ACTN1: variants seen among roughly 807,000 people sequenced by gnomAD.
ACTN1 encodes actinin alpha 1.
ACTN1 carries 30 observed loss-of-function variants against 119.6 expected under a neutral mutation model. That is an observed-to-expected ratio of 0.25 (90% confidence interval 0.19 to 0.34). The LOEUF (loss-of-function observed/expected upper bound fraction) is 0.34. Among genes scored for constraint, ACTN1 ranks in the 10% least tolerant of loss-of-function variants. The pLI, the probability that ACTN1 is intolerant of heterozygous loss-of-function variation, is 1.00. For missense variants in ACTN1, 764 were observed against 1,223.4 expected (o/e 0.62, Z 5.60); for synonymous variants, 429 against 472.6 (o/e 0.91, Z 1.20).
In ACTN1 at chr14:68,889,659, C is replaced by A. The variant is rs1298836037; in HGVS notation, c.1234+480G>T. On this transcript the variant is annotated intron_variant, in intron 11 of 21. Transcript: ENST00000394419. ...ATCAGCTGGGAATGGTGGCAGGCACCTGTAGTCCCAGCTACTAGGGAGGCT... is the reference window on the plus strand; with the variant it reads ...ATCAGCTGGGAATGGTGGCAGGCACATGTAGTCCCAGCTACTAGGGAGGCT... Among the ~76,000 whole-genome samples the A allele has an allele frequency of 2.6e-5, 4 of 152,280 alleles. No homozygotes were observed. In the East Asian group the frequency reaches 7.8e-4, roughly 30 times the overall value.
At chr14:68,929,502 AC>A (rs562907822) in intron 1 of ACTN1, among the ~76,000 whole-genome samples, 58 of 152,030 alleles carry the variant, frequency 3.8e-4, no homozygotes, top group African/African-American at 1.3e-3. Flanking sequence ...GCCTCCCCTC[AC>A]CCCAAGAGCC....
At position 68,925,127 on chromosome 14, in the gene ACTN1, T is replaced by G. The variant is rs1249185898; in HGVS notation, c.220+431A>C. 6.6e-6 allele frequency among the ~76,000 whole-genome samples: 1 copy of G among 152,074 alleles called. No individual in the cohort carries two copies. The highest frequency in any genetic ancestry group is 1.5e-5 in the Non-Finnish European group (1 of 68,000). On this transcript the variant is annotated intron_variant, in intron 2 of 21. Transcript: ENST00000394419. This position sits in a 1 kb window ranked among gnomAD's most constrained non-coding sequence, Gnocchi z 4.3. ...AAAGGCATTCATAAGCAGGATGAGA[T>G]GTGTGTTCCAGTAGAGCTGTCCCTC...
chr14:68,902,438 G>A, intron 8 of ACTN1, 39 bp downstream of exon 8: 1 of 1,529,210 alleles, frequency 6.5e-7, no homozygotes, highest in Non-Finnish European at 9.1e-7. Flanking sequence ...TCCAGCAGGA[G>A]GTGTGCTGGG....
chr14:68,923,124 C>T (rs963487830), intron 2 of ACTN1, among the ~76,000 whole-genome samples: 4 of 152,198 alleles, frequency 2.6e-5, no homozygotes, highest in East Asian at 1.9e-4. Flanking sequence ...AGGACAAGCC[C>T]GGCTCTGGGC....
chr14:68,963,099 C>CTT (rs2036591494), intron 1 of ACTN1, among the ~76,000 whole-genome samples: 1 of 152,124 alleles, frequency 6.6e-6, no homozygotes, highest in Non-Finnish European at 1.5e-5. Flanking sequence ...ACACCCTTTG[C>CTT]AGGCCCACCT....
chr14:68,899,230 C>T (rs1283654366), intron 8 of ACTN1, among the ~76,000 whole-genome samples: 23 of 148,192 alleles, frequency 1.6e-4, no homozygotes, highest in Middle Eastern at 3.5e-3. Flanking sequence ...CACCACACCC[C>T]ACACACACAG....
At chr14:68,905,704 G>A (rs932651630) in intron 6 of ACTN1, among the ~76,000 whole-genome samples, 3 of 152,154 alleles carry the variant, frequency 2.0e-5, no homozygotes, top group Admixed American at 2.0e-4. Flanking sequence ...GACACAAAAG[G>A]ACACAGGCCG....
chr14:68,884,433 G>C, intron 13 of ACTN1, 125 bp from the exon 14 acceptor site: 2 of 1,166,182 alleles, frequency 1.7e-6, no homozygotes, highest in Admixed American at 5.0e-5. Context: ...GAAAGAACAA[G>C]CTCTTCCTGC....
rs2031674489 is a variant in ACTN1, at chr14:68,882,810, A to T, written c.1818+63T>A. On this transcript the variant is annotated intron_variant, in intron 15 of 21. Transcript: ENST00000394419. This position sits in a 1 kb window ranked among gnomAD's most constrained non-coding sequence, Gnocchi z 4.5. ...AATGAAATTGACAAAAATCAATTAA[A>T]ATGGACAAAAATCCCTGCCTTTATG... The T allele has an allele frequency of 6.3e-7, 1 of 1,579,828 alleles. No homozygotes were observed. Among genetic ancestry groups the T allele is most frequent in the Admixed American group, 1.7e-5 (1 of 57,220 alleles).
chr14:68,902,735 C>G (rs1460165473), intron 7 of ACTN1, among the ~76,000 whole-genome samples, 173 bp from the exon 8 acceptor site: 4 of 152,166 alleles, frequency 2.6e-5, no homozygotes, highest in Non-Finnish European at 4.4e-5. Flanking sequence ...AGTAGAGGAA[C>G]AGGTGAAATG....
rs1303548962 is a variant in ACTN1, at chr14:68,878,509, C to T, written c.2376G>A (p.Met792Ile). ...IGNDPQKKTG[M>I]MDTDDFRACL... ...AGGCGCGGAAATCATCCGTGTCCAT[C>T]ATGCCTGTCTTCTTCTGTGGGGGGC... Residue 792 changes from methionine to isoleucine, a missense_variant, in exon 20 of 22, where the codon ATG (methionine) becomes ATA (isoleucine). This residue lies in a region of ACTN1 where 544 missense variants were observed against 912.0 expected (regional missense o/e 0.60). Transcript: ENST00000394419. The surrounding 1 kb of genome is among the most constrained non-coding windows in gnomAD (Gnocchi z 4.4). 3 of 1,599,220 alleles carry T rather than the reference C, an allele frequency of 1.9e-6. No homozygotes were observed. The Admixed American group carries it at 5.1e-5, about 27-fold the overall frequency.
At chr14:68,930,832 T>C (rs561990516) in intron 1 of ACTN1, among the ~76,000 whole-genome samples, 1 of 152,346 alleles carries the variant, frequency 6.6e-6, no homozygotes, top group African/African-American at 2.4e-5. Context: ...TAATTATCTA[T>C]TGTTACTATT....
chr14:68,953,757 T>C (rs1056750472), intron 1 of ACTN1, among the ~76,000 whole-genome samples: 4 of 150,860 alleles, frequency 2.7e-5, no homozygotes, highest in African/African-American at 9.8e-5. Context: ...CGTGGTGGCA[T>C]GCGCCTGTAC....
intron 1 of ACTN1, among the ~76,000 whole-genome samples, chr14:68,953,180 T>A (rs560762592): frequency 2.0e-5 from 3 of 152,282 alleles, no homozygotes; most frequent in African/African-American, 7.2e-5. Flanking sequence ...AACTCTGAGC[T>A]CACTCACAGC....
intron 7 of ACTN1, 44 bp downstream of exon 7, chr14:68,904,611 A>T (rs2033553131): frequency 6.3e-7 from 1 of 1,574,882 alleles, no homozygotes; most frequent in African/African-American, 1.4e-5. Flanking sequence ...GCTGAGTGGC[A>T]GGTGGGCGAT....
intron 8 of ACTN1, among the ~76,000 whole-genome samples, chr14:68,898,732 G>A (rs1054281434): frequency 2.6e-5 from 4 of 152,008 alleles, no homozygotes; most frequent in Admixed American, 1.3e-4. Context: ...ATGAGAGGAC[G>A]ACCACCACTA....
chr14:68,914,032 G>C (rs1302917497), intron 3 of ACTN1, among the ~76,000 whole-genome samples: 2 of 152,064 alleles, frequency 1.3e-5, no homozygotes, highest in African/African-American at 2.4e-5. Context: ...AGACCAGCCT[G>C]GGCAACATGA....
At chr14:68,910,684 G>A (rs564377143) in intron 4 of ACTN1, among the ~76,000 whole-genome samples, 5 of 152,186 alleles carry the variant, frequency 3.3e-5, no homozygotes, top group African/African-American at 7.2e-5. Context: ...CTGTGTCCCC[G>A]CCCAAATCTC....
At position 68,892,054 on chromosome 14, in the gene ACTN1, G is replaced by A. The variant is rs775265124; in HGVS notation, c.1085C>T (p.Ser362Leu). The A allele has an allele frequency of 1.1e-5, 18 of 1,613,350 alleles. No individual in the cohort carries two copies. Among genetic ancestry groups the A allele is most frequent in the South Asian group, 8.8e-5 (8 of 91,032 alleles). The change falls in exon 10 of 22, where the codon TCG becomes TTG. Residue 362 changes from serine (S) to leucine (L), a missense_variant and splice_region_variant. Ser to Leu is a moderately radical substitution (Grantham distance 145). Coordinates refer to ENST00000394419, the MANE Select transcript of ACTN1 (RefSeq NM_001130004.2). ...AFMPSEGRMVSDINNAWGCLE... is the reference protein window; with the variant it reads ...AFMPSEGRMVLDINNAWGCLE... ...CCCAGGCTCACCCCCAGTGCTCACC[G>A]AGACCATCCTGCCCTCAGAGGGCAT...
Sources: gnomAD v4.1 joint callset for allele counts (sites outside exome capture counted in the v4.1 genomes callset) on GRCh38, gnomAD v4.1.1 for gene constraint, gnomAD v4.1.1 regional missense constraint, Gnocchi (gnomAD v3.1) non-coding constraint, MANE v1.5 for transcripts, NCBI Gene and HGNC (gene_info 2026-07-23, HGNC 2026-07-21) for gene names.